Variants in ZKSCAN3 observed in about 807,000 individuals in gnomAD.
ZKSCAN3 encodes zinc finger protein with KRAB and SCAN domains 3.
In ZKSCAN3, 21 loss-of-function variants were observed where a neutral mutation model predicts 30.7. The observed-to-expected ratio is 0.68, with a 90% CI of 0.49 to 0.99. The LOEUF (loss-of-function observed/expected upper bound fraction) is 0.99. Ranked by LOEUF, ZKSCAN3 falls within the 50% of genes least tolerant of loss-of-function variation. The pLI is 0.00. For missense variants in ZKSCAN3, 507 were observed against 647.1 expected (o/e 0.78, Z 2.35); for synonymous variants, 201 against 246.7 (o/e 0.81, Z 1.73).
chr6:28,360,210 A>G, intron 2 of ZKSCAN3: 7 of 779,682 alleles, frequency 9.0e-6, no homozygotes, highest in Non-Finnish European at 1.4e-5. Context: ...CAGTCATATC[A>G]ACATACAGTT....
intron 1 of ZKSCAN3, chr6:28,355,992 G>A (rs899010614): frequency 6.6e-6 from 1 of 152,250 alleles, no homozygotes; most frequent in Non-Finnish European, 1.5e-5. Flanking sequence ...GCATAAGCAG[G>A]GAGCTAAGCG....
chr6:28,363,508 A>G (rs1765844580), intron 4 of ZKSCAN3, 123 bp downstream of exon 4: 1 of 1,263,738 alleles, frequency 7.9e-7, no homozygotes, highest in Admixed American at 2.3e-5. Context: ...CTCAAATGGG[A>G]TCTGCATTTT....
intron 3 of ZKSCAN3, 136 bp downstream of exon 3, chr6:28,361,607 G>C (rs1765773413): frequency 1.0e-6 from 1 of 978,836 alleles, no homozygotes; most frequent in African/African-American, 1.7e-5. Flanking sequence ...GAGACTAAAA[G>C]GAGTATTTCC....
At chr6:28,361,269 T>A in intron 2 of ZKSCAN3, 55 bp from the exon 3 acceptor site, 2 of 1,582,976 alleles carry the variant, frequency 1.3e-6, no homozygotes, top group Non-Finnish European at 1.7e-6. Context: ...GCCACCTAGG[T>A]AGTTCTATGG....
chr6:28,366,247 C>G lies in ZKSCAN3; in HGVS notation c.1579C>G (p.Gln527Glu), dbSNP rs1453182897. 4 of 1,548,880 alleles carry G rather than the reference C, an allele frequency of 2.6e-6. No homozygotes were observed. ...CCGAATTTCATACCTTGTTCAACAT[C>G]AGAGAAGCCATGTAGGGAAAAACAT... ...FTRISYLVQHQRSHVGKNILS... is the reference protein window; with the variant it reads ...FTRISYLVQHERSHVGKNILS... Residue 527 changes from glutamine (Q) to glutamate (E), a missense_variant, in exon 6 of 6, where the codon CAG becomes GAG. Gln to Glu is a conservative substitution (Grantham distance 29). Coordinates refer to ENST00000252211, the MANE Select transcript of ZKSCAN3 (RefSeq NM_024493.4).
chr6:28,360,326 A>G (rs1411720050), intron 2 of ZKSCAN3, among the ~76,000 whole-genome samples: 2 of 152,176 alleles, frequency 1.3e-5, no homozygotes, highest in Non-Finnish European at 2.9e-5. Flanking sequence ...AGCAGTGATA[A>G]GTATCTCTTT....
chr6:28,363,638 C>A, intron 4 of ZKSCAN3, 54 bp from the exon 5 acceptor site: 1 of 1,608,906 alleles, frequency 6.2e-7, no homozygotes, highest in South Asian at 1.1e-5. Flanking sequence ...CAGATCTTCC[C>A]CACTCCACCA....
At position 28,363,785 on chromosome 6, in the gene ZKSCAN3, C is replaced by A; in HGVS notation, c.727C>A (p.Gln243Lys). Residue 243 changes from glutamine (Q) to lysine (K), a missense_variant, in exon 5 of 6, where the codon CAG becomes AAG. Transcript: ENST00000252211. ...SQGNLCRDEK[Q>K]ENHGSLVSLG... Reference sequence around the variant, plus strand: ...GGGGAATCTCTGTAGAGATGAAAAGCAGGAGAACCATGGCAGCCTGGTCTC... The same window carrying A: ...GGGGAATCTCTGTAGAGATGAAAAGAAGGAGAACCATGGCAGCCTGGTCTC... 1.2e-6 allele frequency: 2 copies of A among 1,613,952 alleles called. No individual in the cohort carries two copies. The highest frequency in any genetic ancestry group is 1.7e-6 in the Non-Finnish European group (2 of 1,179,896).
Position 28,366,686 on chromosome 6 carries a change from TAA to T in ZKSCAN3, c.*403_*404del, listed in dbSNP as rs1310810778. The stretch of plus-strand genomic sequence containing the variant: ...AATCCTCCACAGTTGGTCAGATTCA[TAA>T]AGTCTTATATCCCCCTCTGTGCCTT... On this transcript the variant is annotated 3_prime_UTR_variant, in exon 6 of 6. Transcript: ENST00000252211. The T allele has an allele frequency of 6.3e-6, 1 of 159,504 alleles. No individual in the cohort carries two copies. The highest frequency in any genetic ancestry group is 1.4e-5 in the Non-Finnish European group (1 of 73,028). The allele number at this position is 159,504 out of a possible 1,614,324, so 9.9% of individuals were successfully genotyped here.
intron 5 of ZKSCAN3, among the ~76,000 whole-genome samples, chr6:28,364,103 G>C (rs1169655755): frequency 2.0e-5 from 3 of 152,056 alleles, no homozygotes; most frequent in African/African-American, 4.8e-5. Flanking sequence ...CCAAACTGCT[G>C]GGACTAAAGG....
At chr6:28,352,208 A>G (rs73399652) in intron 1 of ZKSCAN3, among the ~76,000 whole-genome samples, 1,642 of 152,308 alleles carry the variant, frequency 0.011, 31 homozygotes, top group African/African-American at 0.036. Flanking sequence ...TCTTTTTAGT[A>G]TCTTTAACTT....
At chr6:28,363,663 T>G in intron 4 of ZKSCAN3, 29 bp from the exon 5 acceptor site, 1 of 1,613,844 alleles carries the variant, frequency 6.2e-7, no homozygotes, top group Non-Finnish European at 8.5e-7. Flanking sequence ...GGTCAGCCCC[T>G]TCTTCAATGG....
chr6:28,361,490 A>G lies in ZKSCAN3; in HGVS notation c.550+19A>G, dbSNP rs928959872. 1 of 1,590,276 alleles carries G rather than the reference A, an allele frequency of 6.3e-7. No individual in the cohort carries two copies. Among genetic ancestry groups the G allele is most frequent in the South Asian group, 1.2e-5 (1 of 86,558 alleles). On this transcript the variant is annotated intron_variant, in intron 3 of 5. Transcript: ENST00000252211. ...GATAGAGGTAAGGATTATTTTCTAG[A>G]CAGTATGAATTCTGCAGACTTCATC...
chr6:28,354,334 C>G (rs1765277530), intron 1 of ZKSCAN3: 1 of 219,598 alleles, frequency 4.6e-6, no homozygotes. Context: ...CTCGCTGAGT[C>G]ACGCTGGCCT....
intron 3 of ZKSCAN3, 77 bp downstream of exon 3, chr6:28,361,548 T>C (rs1238631138): frequency 1.5e-5 from 23 of 1,510,742 alleles, no homozygotes; most frequent in Non-Finnish European, 1.8e-5. Context: ...ACAAAATTCA[T>C]TGATAGGGGG....
In ZKSCAN3 at chr6:28,362,433, G is replaced by A. The variant is rs115717252; in HGVS notation, c.551-870G>A. Among the ~76,000 whole-genome samples, 847 of 152,300 alleles carry A rather than the reference G, an allele frequency of 5.6e-3. 7 individuals carry two copies. Among genetic ancestry groups the A allele is most frequent in the African/African-American group, 0.019 (781 of 41,564 alleles). On this transcript the variant is annotated intron_variant, in intron 3 of 5. Transcript: ENST00000252211. ...TTCACTGCATAGGAAATGGCTGTAT[G>A]TGTTCTGAGATGTCCTTTCATGTGT... is the stretch of plus-strand genomic sequence containing the variant.
At chr6:28,360,644 A>C in intron 2 of ZKSCAN3, 1 of 985,290 alleles carries the variant, frequency 1.0e-6, no homozygotes, top group Non-Finnish European at 1.2e-6. Context: ...CTGTGCACAC[A>C]CCCTCAGAGG....
chr6:28,365,464 G>A lies in ZKSCAN3; in HGVS notation c.796G>A (p.Ala266Thr), dbSNP rs1327165968. The change falls in exon 6 of 6, where the codon GCT (alanine) becomes ACT (threonine). Residue 266 changes from alanine (A) to threonine (T), a missense_variant. Coordinates refer to ENST00000252211, the MANE Select transcript of ZKSCAN3 (RefSeq NM_024493.4). Reference sequence around the variant, plus strand: ...GACTAAGAGCAGGGACTTGCCTCCAGCTGAGGAGCTTCCAGAAAAGGAGCA... The same window carrying A: ...GACTAAGAGCAGGGACTTGCCTCCAACTGAGGAGCTTCCAGAAAAGGAGCA... ...KQTKSRDLPP[A>T]EELPEKEHGK... The A allele has an allele frequency of 6.2e-7, 1 of 1,613,746 alleles. No individual in the cohort carries two copies. The highest frequency in any genetic ancestry group is 1.3e-5 in the African/African-American group (1 of 74,928).
intron 3 of ZKSCAN3, among the ~76,000 whole-genome samples, chr6:28,361,778 T>C (rs1212250127): frequency 6.6e-6 from 1 of 151,818 alleles, no homozygotes; most frequent in Non-Finnish European, 1.5e-5. Flanking sequence ...GACAGGGTCT[T>C]GTTGTTTCAC....
Sources: gnomAD v4.1 joint callset for allele counts (sites outside exome capture counted in the v4.1 genomes callset) on GRCh38, gnomAD v4.1.1 for gene constraint, MANE v1.5 for transcripts, NCBI Gene and HGNC (gene_info 2026-07-23, HGNC 2026-07-21) for gene names.